The following NELL1 variants were observed in gnomAD, a reference collection of about 807,000 sequenced individuals.
NELL1 encodes protein kinase C-binding protein NELL1.
A neutral mutation model predicts 107.4 loss-of-function variants in NELL1; 76 were observed. The ratio of observed to expected loss-of-function variants is 0.71; its 90% CI spans 0.59 to 0.86. The LOEUF (loss-of-function observed/expected upper bound fraction) is 0.86. NELL1 is among the 40% of genes least tolerant of loss of function. NELL1 has a pLI of 0.00. For missense variants in NELL1, 1,024 were observed against 1,005.5 expected (o/e 1.02, Z -0.25); for synonymous variants, 353 against 341.2 (o/e 1.03, Z -0.38).
At chr11:21,342,281 G>A (rs989275555) in intron 14 of NELL1, among the ~76,000 whole-genome samples, 1 of 152,004 alleles carries the variant, frequency 6.6e-6, no homozygotes, top group Admixed American at 6.6e-5. Context: ...TAATCTCAAG[G>A]GATATCCCTT....
intron 12 of NELL1, among the ~76,000 whole-genome samples, chr11:20,985,811 T>A (rs11025858): frequency 0.041 from 6,215 of 152,266 alleles, 196 homozygotes; most frequent in Middle Eastern, 0.2. Flanking sequence ...TGTGCTGTAC[T>A]TTTTTTATGG....
At chr11:21,561,392 A>ATTAGGTT (rs1343002514) in intron 17 of NELL1, among the ~76,000 whole-genome samples, 3 of 152,052 alleles carry the variant, frequency 2.0e-5, no homozygotes, top group African/African-American at 7.2e-5. Flanking sequence ...CCCCTTTCAC[A>ATTAGGTT]TAAACCTAGT....
At chr11:20,987,128 T>A (rs1009807685) in intron 12 of NELL1, among the ~76,000 whole-genome samples, 1 of 152,186 alleles carries the variant, frequency 6.6e-6, no homozygotes, top group Non-Finnish European at 1.5e-5. Flanking sequence ...GCTGAAACAT[T>A]GCCTAATTCT....
intron 14 of NELL1, among the ~76,000 whole-genome samples, chr11:21,330,561 C>T (rs1850250336): frequency 6.6e-6 from 1 of 152,012 alleles, no homozygotes; most frequent in Non-Finnish European, 1.5e-5. Context: ...TATATTCTGG[C>T]CTCCACTGTT....
chr11:21,084,341 C>T (rs1362453773), intron 12 of NELL1, among the ~76,000 whole-genome samples: 1 of 152,136 alleles, frequency 6.6e-6, no homozygotes, highest in African/African-American at 2.4e-5. Flanking sequence ...GCCATTCAAC[C>T]AGCAATTTCT....
chr11:20,793,755 A>G (rs1857118486), intron 3 of NELL1, among the ~76,000 whole-genome samples: 1 of 152,162 alleles, frequency 6.6e-6, no homozygotes, highest in Non-Finnish European at 1.5e-5. Flanking sequence ...TAAATATTCC[A>G]AAGTGATTAA....
intron 12 of NELL1, among the ~76,000 whole-genome samples, chr11:20,961,959 C>A (rs1851300559): frequency 6.6e-6 from 1 of 152,124 alleles, no homozygotes; most frequent in East Asian, 1.9e-4. Flanking sequence ...CTTGTAGGAA[C>A]CCTCTGTTTT....
intron 13 of NELL1, among the ~76,000 whole-genome samples, chr11:21,157,048 G>C (rs1313978720): frequency 1.3e-5 from 2 of 151,950 alleles, no homozygotes; most frequent in East Asian, 1.9e-4. Flanking sequence ...GCTGCAGTGA[G>C]CTGAGATTGT....
At chr11:21,289,578 G>C (rs1340575753) in intron 14 of NELL1, among the ~76,000 whole-genome samples, 2 of 152,192 alleles carry the variant, frequency 1.3e-5, no homozygotes, top group African/African-American at 4.8e-5. Flanking sequence ...GCACAAAACT[G>C]GGTGGCAGTT....
intron 15 of NELL1, among the ~76,000 whole-genome samples, chr11:21,466,353 A>T (rs73463112): frequency 6.6e-6 from 1 of 152,224 alleles, no homozygotes; most frequent in African/African-American, 2.4e-5. Flanking sequence ...CAGTCAGGAC[A>T]AGGAAACAGC....
At chr11:20,778,877 C>T (rs1300408552) in intron 2 of NELL1, among the ~76,000 whole-genome samples, 1 of 152,130 alleles carries the variant, frequency 6.6e-6, no homozygotes, top group African/African-American at 2.4e-5. Flanking sequence ...TAGGTTAACA[C>T]ATGTAGGATT....
At chr11:21,212,773 C>T (rs1287322106) in intron 13 of NELL1, among the ~76,000 whole-genome samples, 1 of 152,138 alleles carries the variant, frequency 6.6e-6, no homozygotes, top group African/African-American at 2.4e-5. Context: ...TGGTGAAAGA[C>T]TGAATGCTTT....
At chr11:20,761,118 G>A (rs1000038309) in intron 2 of NELL1, among the ~76,000 whole-genome samples, 8 of 152,218 alleles carry the variant, frequency 5.3e-5, no homozygotes, top group Non-Finnish European at 7.3e-5. Context: ...TTGTGAGGTG[G>A]TGGAGGAGGA....
chr11:21,142,324 C>G (rs562382816), intron 13 of NELL1, among the ~76,000 whole-genome samples: 1 of 152,328 alleles, frequency 6.6e-6, no homozygotes, highest in South Asian at 2.1e-4. Context: ...CCATTCAATA[C>G]TGATTCCAGT....
intron 15 of NELL1, among the ~76,000 whole-genome samples, chr11:21,401,894 G>C (rs143668643): frequency 6.6e-6 from 1 of 151,752 alleles, no homozygotes; most frequent in Non-Finnish European, 1.5e-5. Flanking sequence ...CAAAATTGTA[G>C]TGAGGAGTAA....
At chr11:21,075,380 C>T (rs530297589) in intron 12 of NELL1, among the ~76,000 whole-genome samples, 18 of 152,168 alleles carry the variant, frequency 1.2e-4, no homozygotes, top group Non-Finnish European at 1.9e-4. Context: ...TTACACATGC[C>T]TGTTTTTACT....
intron 12 of NELL1, among the ~76,000 whole-genome samples, chr11:21,074,672 CAT>C (rs553581855): frequency 0.019 from 1,167 of 62,392 alleles, 8 homozygotes; most frequent in African/African-American, 0.039. Context: ...GGAATTTACA[CAT>C]GTGTTTTTTT....
chr11:21,198,679 T>A (rs1857204549), intron 13 of NELL1, among the ~76,000 whole-genome samples: 2 of 152,212 alleles, frequency 1.3e-5, no homozygotes, highest in Admixed American at 1.3e-4. Context: ...ACTGGAGCAA[T>A]GTTCATAGAT....
chr11:21,335,193 T>A (rs778821272), intron 14 of NELL1, among the ~76,000 whole-genome samples: 8 of 152,196 alleles, frequency 5.3e-5, no homozygotes, highest in Non-Finnish European at 1.2e-4. Context: ...TTAAAAGTGT[T>A]CTGAATTTTA....
Sources: allele counts gnomAD v4.1 joint callset (sites outside exome capture counted in the v4.1 genomes callset), GRCh38; gene constraint gnomAD v4.1.1; transcripts MANE v1.5; gene names NCBI Gene and HGNC (gene_info 2026-07-23, HGNC 2026-07-21).